Variants in DLG2 observed in about 807,000 individuals in gnomAD.
DLG2 encodes disks large homolog 2.
In DLG2, 45 loss-of-function variants were observed where a neutral mutation model predicts 132.5. The observed-to-expected ratio is 0.34, with a 90% CI of 0.27 to 0.44. DLG2 has a LOEUF of 0.44. Ranked by LOEUF, DLG2 falls within the 20% of genes least tolerant of loss-of-function variation. The pLI is 1.00. For missense variants in DLG2, 1,045 were observed against 1,196.9 expected (o/e 0.87, Z 1.87); for synonymous variants, 424 against 419.6 (o/e 1.01, Z -0.13).
chr11:84,085,839 G>A (rs184261714), intron 10 of DLG2, among the ~76,000 whole-genome samples: 3 of 152,296 alleles, frequency 2.0e-5, no homozygotes, highest in Admixed American at 6.5e-5. Context: ...GTTCCTCTGT[G>A]AGGAATCAAT....
At chr11:83,643,776 A>G (rs1481691530) in intron 18 of DLG2, 1 of 152,100 alleles carries the variant, frequency 6.6e-6, no homozygotes, top group Non-Finnish European at 1.5e-5. Flanking sequence ...AGGCTAGTCA[A>G]TTTATCCAAG....
At chr11:83,766,028 A>T (rs1008954538) in intron 18 of DLG2, among the ~76,000 whole-genome samples, 1 of 151,432 alleles carries the variant, frequency 6.6e-6, no homozygotes, top group Admixed American at 6.6e-5. Flanking sequence ...GACAAATGCT[A>T]TTATCATATT....
At chr11:83,808,580 G>C (rs1338714801) in intron 17 of DLG2, among the ~76,000 whole-genome samples, 1 of 152,146 alleles carries the variant, frequency 6.6e-6, no homozygotes, top group Non-Finnish European at 1.5e-5. Context: ...TATGTGACTA[G>C]CCCTTGCTGT....
chr11:85,374,651 A>G (rs1017317708), intron 3 of DLG2, among the ~76,000 whole-genome samples: 1 of 152,160 alleles, frequency 6.6e-6, no homozygotes, highest in Non-Finnish European at 1.5e-5. Flanking sequence ...AGCGGGTCAA[A>G]TATTTTTAAA....
At chr11:84,894,617 A>G (rs760003579) in intron 6 of DLG2, among the ~76,000 whole-genome samples, 1 of 152,110 alleles carries the variant, frequency 6.6e-6, no homozygotes, top group Non-Finnish European at 1.5e-5. Context: ...GTAAATATGA[A>G]GTTCTAAGGC....
intron 19 of DLG2, among the ~76,000 whole-genome samples, chr11:83,628,302 G>A (rs1407053424): frequency 1.3e-5 from 2 of 152,156 alleles, no homozygotes; most frequent in East Asian, 1.9e-4. Flanking sequence ...CATCTTCACA[G>A]ATAAAGAAAG....
chr11:85,395,210 A>G (rs1416086388), intron 3 of DLG2, among the ~76,000 whole-genome samples: 1 of 152,194 alleles, frequency 6.6e-6, no homozygotes, highest in East Asian at 1.9e-4. Flanking sequence ...TAAAGATCAG[A>G]ATGTTAGGAT....
chr11:85,239,580 T>A (rs1461336396), intron 4 of DLG2, among the ~76,000 whole-genome samples: 1 of 152,072 alleles, frequency 6.6e-6, no homozygotes, highest in Non-Finnish European at 1.5e-5. Context: ...AGTGGACTCA[T>A]GCAGTGCCAC....
chr11:83,476,915 G>T (rs547767941), intron 22 of DLG2, among the ~76,000 whole-genome samples: 5 of 152,060 alleles, frequency 3.3e-5, no homozygotes, highest in African/African-American at 1.2e-4. Flanking sequence ...GACTAAAGGA[G>T]TAAAGACATC....
intron 6 of DLG2, among the ~76,000 whole-genome samples, chr11:84,634,527 A>C (rs1043241269): frequency 1.3e-5 from 2 of 152,186 alleles, no homozygotes; most frequent in African/African-American, 4.8e-5. Context: ...GCTGTAAACA[A>C]TCCAGCTGTT....
intron 7 of DLG2, among the ~76,000 whole-genome samples, chr11:84,497,589 T>C (rs1379211168): frequency 6.6e-6 from 1 of 152,176 alleles, no homozygotes; most frequent in Middle Eastern, 3.2e-3. Flanking sequence ...CTCTGAAATA[T>C]TAATTCAAGC....
chr11:84,818,491 A>G (rs2077314956), intron 6 of DLG2, among the ~76,000 whole-genome samples: 1 of 151,576 alleles, frequency 6.6e-6, no homozygotes, highest in Admixed American at 6.6e-5. Flanking sequence ...AACATCTCCA[A>G]TAAATATTTC....
At chr11:84,436,077 T>C (rs2098999747) in intron 7 of DLG2, among the ~76,000 whole-genome samples, 2 of 152,082 alleles carry the variant, frequency 1.3e-5, no homozygotes, top group African/African-American at 2.4e-5. Context: ...AAAAGCCAAC[T>C]GTTCAATATA....
chr11:84,519,022 A>T (rs1360824398), intron 7 of DLG2, among the ~76,000 whole-genome samples: 1 of 152,184 alleles, frequency 6.6e-6, no homozygotes, highest in Admixed American at 6.5e-5. Flanking sequence ...TGAGTTGGAG[A>T]CATCCAATTC....
chr11:84,271,734 T>G (rs2154364538), intron 7 of DLG2, among the ~76,000 whole-genome samples: 1 of 152,206 alleles, frequency 6.6e-6, no homozygotes, highest in African/African-American at 2.4e-5. Context: ...TGTTAGTTCC[T>G]TTCTCCAACT....
At chr11:84,864,745 T>C (rs906081907) in intron 6 of DLG2, among the ~76,000 whole-genome samples, 2 of 152,026 alleles carry the variant, frequency 1.3e-5, no homozygotes, top group Non-Finnish European at 2.9e-5. Context: ...TTGTTATGGA[T>C]AGATGAAAAA....
intron 18 of DLG2, among the ~76,000 whole-genome samples, chr11:83,666,889 G>C (rs1056246265): frequency 6.6e-6 from 1 of 152,110 alleles, no homozygotes; most frequent in East Asian, 1.9e-4. Flanking sequence ...AGAAAGAATG[G>C]AGTCCCTTTC....
At chr11:85,430,822 T>C (rs1253280844) in intron 3 of DLG2, among the ~76,000 whole-genome samples, 1 of 148,244 alleles carries the variant, frequency 6.7e-6, no homozygotes, top group African/African-American at 2.5e-5. Flanking sequence ...TGTCGTGAGT[T>C]TTTTCTAATG....
chr11:85,120,626 C>T (rs1166842328), intron 5 of DLG2, among the ~76,000 whole-genome samples: 2 of 151,994 alleles, frequency 1.3e-5, no homozygotes, highest in Admixed American at 6.6e-5. Context: ...ATCTTAAAGA[C>T]AGCATCAAAG....
Sources: gnomAD v4.1 joint callset for allele counts (sites outside exome capture counted in the v4.1 genomes callset) on GRCh38, gnomAD v4.1.1 for gene constraint, MANE v1.5 for transcripts, NCBI Gene and HGNC (gene_info 2026-07-23, HGNC 2026-07-21) for gene names.